Variants in ANK3 observed in about 807,000 individuals in gnomAD.
ANK3 encodes the protein ankyrin-3.
In ANK3, 57 loss-of-function variants were observed where a neutral mutation model predicts 370.9. That is an observed-to-expected ratio of 0.15 (90% confidence interval 0.12 to 0.19). The LOEUF (loss-of-function observed/expected upper bound fraction) is 0.19. Ranked by LOEUF, ANK3 falls within the 10% of genes least tolerant of loss-of-function variation. The pLI is 1.00. For missense variants in ANK3, 4,439 were observed against 5,302.1 expected, an observed-to-expected ratio of 0.84 and a Z score of 5.06; for synonymous variants, 1,929 against 1,946.3, an observed-to-expected ratio of 0.99 and a Z score of 0.23.
chr10:60,321,841 A>G (rs78116809), intron 1 of ANK3, among the ~76,000 whole-genome samples: 4,528 of 152,220 alleles, frequency 0.03, 235 homozygotes, highest in African/African-American at 0.1. Flanking sequence ...ACAGTAATTC[A>G]CTTAAAGTGA....
chr10:60,395,271 T>C (rs1000888253), intron 2 of ANK3, among the ~76,000 whole-genome samples: 1 of 152,244 alleles, frequency 6.6e-6, no homozygotes, highest in Non-Finnish European at 1.5e-5. Context: ...TCAATGATTT[T>C]ATATATTGAT....
At chr10:60,649,313 A>C (rs1170745837) in intron 1 of ANK3, among the ~76,000 whole-genome samples, 2 of 151,866 alleles carry the variant, frequency 1.3e-5, no homozygotes, top group East Asian at 3.9e-4. Context: ...TATCAAAAAA[A>C]AATACTTTTT....
chr10:60,339,350 C>A (rs748431171), intron 1 of ANK3, among the ~76,000 whole-genome samples: 7 of 152,086 alleles, frequency 4.6e-5, no homozygotes, highest in African/African-American at 7.2e-5. Flanking sequence ...AGGATGGATA[C>A]CATACGATAA....
At chr10:60,287,366 G>A (rs1415349623) in intron 1 of ANK3, among the ~76,000 whole-genome samples, 1 of 151,974 alleles carries the variant, frequency 6.6e-6, no homozygotes, top group East Asian at 1.9e-4. Context: ...GCCAGTTCAG[G>A]CCCTTACTGT....
chr10:60,433,154 C>A (rs1055403560), intron 2 of ANK3, among the ~76,000 whole-genome samples: 1 of 129,876 alleles, frequency 7.7e-6, no homozygotes, highest in Non-Finnish European at 1.8e-5. Context: ...AAGAACAACA[C>A]TGAAAAAGAG....
intron 2 of ANK3, among the ~76,000 whole-genome samples, chr10:60,398,969 A>C (rs2063299813): frequency 6.6e-6 from 1 of 152,180 alleles, no homozygotes; most frequent in Admixed American, 6.5e-5. Context: ...ATTATATACG[A>C]CACATATCTT....
chr10:60,248,658 C>T (rs1428741455), intron 7 of ANK3, among the ~76,000 whole-genome samples: 1 of 152,174 alleles, frequency 6.6e-6, no homozygotes, highest in Non-Finnish European at 1.5e-5. Flanking sequence ...AAACATGCCT[C>T]ATCTCATTTC....
intron 2 of ANK3, among the ~76,000 whole-genome samples, chr10:60,452,431 T>G (rs1187327956): frequency 6.6e-6 from 1 of 152,208 alleles, no homozygotes; most frequent in Non-Finnish European, 1.5e-5. Context: ...GCCTCCGCAC[T>G]GAGAAACTGT....
intron 2 of ANK3, among the ~76,000 whole-genome samples, chr10:60,610,270 G>T (rs2078183181): frequency 6.6e-6 from 1 of 152,132 alleles, no homozygotes; most frequent in African/African-American, 2.4e-5. Flanking sequence ...CCAGCACTTT[G>T]GGAGGCTGAG....
At chr10:60,466,347 T>C (rs910400493) in intron 2 of ANK3, among the ~76,000 whole-genome samples, 6 of 152,298 alleles carry the variant, frequency 3.9e-5, no homozygotes, top group Non-Finnish European at 7.4e-5. Context: ...GAGACATTTA[T>C]TAAACCCTCA....
chr10:60,121,429 T>C (rs1367746695), intron 25 of ANK3, among the ~76,000 whole-genome samples: 1 of 149,600 alleles, frequency 6.7e-6, no homozygotes, highest in Non-Finnish European at 1.5e-5. Context: ...GCATGGCACA[T>C]GTCTGTAATC....
chr10:60,334,039 G>A (rs932432512), intron 1 of ANK3, among the ~76,000 whole-genome samples: 24 of 151,908 alleles, frequency 1.6e-4, no homozygotes, highest in South Asian at 2.1e-4. Context: ...CAGGAATTTC[G>A]GCAGAGAGCA....
intron 18 of ANK3, among the ~76,000 whole-genome samples, chr10:60,178,893 C>T (rs936708990): frequency 6.6e-6 from 1 of 150,460 alleles, no homozygotes; most frequent in Non-Finnish European, 1.5e-5. Context: ...AGCTTAAACT[C>T]ATTTGGTGAA....
intron 25 of ANK3, among the ~76,000 whole-genome samples, chr10:60,133,624 G>C (rs535243696): frequency 2.0e-5 from 3 of 152,116 alleles, no homozygotes; most frequent in Admixed American, 2.0e-4. Flanking sequence ...AGTTTGTTTA[G>C]CAAAATACAA....
At chr10:60,173,042 G>A (rs2095836205) in intron 19 of ANK3, 44 bp from the exon 20 acceptor site, 1 of 1,608,936 alleles carries the variant, frequency 6.2e-7, no homozygotes, top group African/African-American at 1.3e-5. Context: ...TTCCTTTGAA[G>A]CAAAAATAAA....
intron 42 of ANK3, 190 bp from the exon 43 acceptor site, chr10:60,042,949 G>C: frequency 7.2e-7 from 1 of 1,382,650 alleles, no homozygotes; most frequent in East Asian, 2.7e-5. Context: ...AAGCTAGAGA[G>C]CACTGTCAAA....
At chr10:60,188,253 G>A (rs1199641148) in intron 16 of ANK3, among the ~76,000 whole-genome samples, 3 of 152,144 alleles carry the variant, frequency 2.0e-5, no homozygotes, top group African/African-American at 7.2e-5. Flanking sequence ...AGATTCCCTT[G>A]ATAAACTGTT....
intron 2 of ANK3, among the ~76,000 whole-genome samples, chr10:60,432,505 G>C (rs1259817745): frequency 6.6e-6 from 1 of 152,160 alleles, no homozygotes; most frequent in Non-Finnish European, 1.5e-5. Flanking sequence ...ACATATAAAG[G>C]TAAACATCCT....
In ANK3 at chr10:60,033,514, C is replaced by CA. The variant is rs537623584; in HGVS notation, c.*20-3689dup. ...TGGACAACATAGCGAGACTCAGTCT[C>CA]AAAAAAAAAAAAAAAAAAAAAAAAA... On this transcript the variant is annotated intron_variant, in intron 43 of 43. Coordinates refer to ENST00000280772, the MANE Select transcript of ANK3 (RefSeq NM_020987.5). Among the ~76,000 whole-genome samples, 289 of 50,478 alleles carry CA rather than the reference C, an allele frequency of 5.7e-3. 10 individuals carry two copies. The highest frequency in any genetic ancestry group is 0.022 in the East Asian group (29 of 1,296). The allele number at this position is 50,478 out of a possible 152,430, so 33.1% of individuals were successfully genotyped here. A position where few individuals can be genotyped will look rare whatever the true frequency, so the allele number is the denominator to read the frequency against.
Sources: allele counts gnomAD v4.1 joint callset (sites outside exome capture counted in the v4.1 genomes callset), GRCh38; gene constraint gnomAD v4.1.1; transcripts MANE v1.5; gene names NCBI Gene and HGNC (gene_info 2026-07-23, HGNC 2026-07-21).